PTPRD: variants seen among roughly 807,000 people sequenced by gnomAD.
The protein encoded by PTPRD is protein tyrosine phosphatase receptor type D.
PTPRD carries 34 observed loss-of-function variants against 214.5 expected under a neutral mutation model. The observed-to-expected ratio is 0.16, with a 90% CI of 0.12 to 0.21. The LOEUF (loss-of-function observed/expected upper bound fraction) is 0.21. Among genes scored for constraint, PTPRD ranks in the 10% least tolerant of loss-of-function variants. The pLI is 1.00. For synonymous variants in PTPRD, 1,128 were observed against 845.7 expected (o/e 1.33, Z -5.79); for missense variants, 2,545 against 2,398.7 (o/e 1.06, Z -1.27).
chr9:9,151,844 G>C (rs1349446897), intron 10 of PTPRD, among the ~76,000 whole-genome samples: 1 of 152,090 alleles, frequency 6.6e-6, no homozygotes, highest in Non-Finnish European at 1.5e-5. Flanking sequence ...ATCACGCCTG[G>C]GCCAGTTAGG....
intron 7 of PTPRD, among the ~76,000 whole-genome samples, chr9:9,730,584 A>T (rs1358085347): frequency 6.6e-6 from 1 of 152,118 alleles, no homozygotes; most frequent in Admixed American, 6.6e-5. Flanking sequence ...TCTATGTATA[A>T]ACTTTCCTAA....
chr9:9,120,633 T>C (rs996891295), intron 10 of PTPRD, among the ~76,000 whole-genome samples: 1 of 152,212 alleles, frequency 6.6e-6, no homozygotes, highest in Non-Finnish European at 1.5e-5. Context: ...AAGCAGATCA[T>C]CTGGAGAGGA....
chr9:10,434,220 G>A (rs587729), intron 2 of PTPRD, among the ~76,000 whole-genome samples: 16,554 of 151,616 alleles, frequency 0.11, 1,431 homozygotes, highest in African/African-American at 0.22. Flanking sequence ...AACTCCATAT[G>A]CATCACTCAG....
At chr9:9,390,560 T>C (rs2140888312) in intron 9 of PTPRD, among the ~76,000 whole-genome samples, 1 of 152,192 alleles carries the variant, frequency 6.6e-6, no homozygotes, top group East Asian at 1.9e-4. Context: ...ATTTTAAAAA[T>C]TTAAAAATGT....
chr9:8,318,597 G>A (rs556197910), intron 45 of PTPRD, among the ~76,000 whole-genome samples: 1 of 152,058 alleles, frequency 6.6e-6, no homozygotes, highest in East Asian at 1.9e-4. Context: ...ATTTACACAG[G>A]GCACTGGACT....
At chr9:10,173,963 T>C (rs2099229078) in intron 3 of PTPRD, among the ~76,000 whole-genome samples, 1 of 152,164 alleles carries the variant, frequency 6.6e-6, no homozygotes. Context: ...AATTCTTTCC[T>C]ACCATGTGCA....
intron 5 of PTPRD, among the ~76,000 whole-genome samples, chr9:9,797,675 G>A (rs1389193129): frequency 6.6e-6 from 1 of 151,838 alleles, no homozygotes; most frequent in East Asian, 1.9e-4. Flanking sequence ...GTGAAACCCT[G>A]TCTCTACTAA....
intron 11 of PTPRD, among the ~76,000 whole-genome samples, chr9:8,880,465 C>A (rs932465258): frequency 3.3e-5 from 5 of 152,164 alleles, no homozygotes; most frequent in African/African-American, 1.2e-4. Context: ...CTCCTCCTTA[C>A]TGATTTTAAC....
chr9:8,398,287 C>T (rs1564534236), intron 36 of PTPRD, among the ~76,000 whole-genome samples: 1 of 152,022 alleles, frequency 6.6e-6, no homozygotes, highest in Non-Finnish European at 1.5e-5. Context: ...TATTAATAAT[C>T]CCATTATACA....
intron 7 of PTPRD, among the ~76,000 whole-genome samples, chr9:9,716,733 G>C (rs1015556200): frequency 1.3e-5 from 2 of 152,078 alleles, no homozygotes; most frequent in African/African-American, 4.8e-5. Flanking sequence ...TGAGTTCCTT[G>C]TAGATTCTGG....
At chr9:9,432,198 G>C (rs60751932) in intron 8 of PTPRD, among the ~76,000 whole-genome samples, 29,009 of 151,614 alleles carry the variant, frequency 0.19, 3,297 homozygotes, top group East Asian at 0.45. Context: ...ATCAAAAGTA[G>C]AAGGTAAATG....
chr9:10,333,134 T>A (rs878894472), intron 3 of PTPRD, among the ~76,000 whole-genome samples: 1 of 151,798 alleles, frequency 6.6e-6, no homozygotes, highest in African/African-American at 2.4e-5. Flanking sequence ...GGATATTCAG[T>A]GAGTGAACAG....
At chr9:9,882,502 G>A (rs116746060) in intron 5 of PTPRD, among the ~76,000 whole-genome samples, 2 of 151,970 alleles carry the variant, frequency 1.3e-5, no homozygotes, top group African/African-American at 4.8e-5. Context: ...TTATAAAAGG[G>A]CTCTACTTTA....
At chr9:10,197,177 C>G (rs1451511134) in intron 3 of PTPRD, among the ~76,000 whole-genome samples, 1 of 152,124 alleles carries the variant, frequency 6.6e-6, no homozygotes, top group African/African-American at 2.4e-5. Context: ...CTCTGCACCC[C>G]CACCCCACCA....
intron 3 of PTPRD, among the ~76,000 whole-genome samples, chr9:10,143,962 A>G (rs574989047): frequency 1.1e-4 from 17 of 152,210 alleles, no homozygotes; most frequent in African/African-American, 4.1e-4. Context: ...AATGCTCACT[A>G]TCTGGGAGAT....
chr9:9,237,822 C>A (rs1251880994), intron 9 of PTPRD, among the ~76,000 whole-genome samples: 2 of 152,108 alleles, frequency 1.3e-5, no homozygotes, highest in Non-Finnish European at 2.9e-5. Flanking sequence ...CTGTCAGCTT[C>A]TTTTCTTGTT....
chr9:10,135,273 G>A (rs769280635), intron 3 of PTPRD, among the ~76,000 whole-genome samples: 9 of 152,100 alleles, frequency 5.9e-5, no homozygotes, highest in Non-Finnish European at 8.8e-5. Context: ...TGAGAGAGTA[G>A]TAGAGAGATT....
chr9:10,168,454 G>C (rs1448168664), intron 3 of PTPRD, among the ~76,000 whole-genome samples: 1 of 152,162 alleles, frequency 6.6e-6, no homozygotes, highest in East Asian at 1.9e-4. Context: ...AATCAGCCAT[G>C]TCCTTTGTGA....
intron 5 of PTPRD, among the ~76,000 whole-genome samples, chr9:9,889,851 C>A (rs2072597810): frequency 1.3e-5 from 2 of 151,478 alleles, no homozygotes; most frequent in South Asian, 4.2e-4. Flanking sequence ...TCTGCAGGGG[C>A]AGGTTTCTGA....
Sources: gnomAD v4.1 joint callset for allele counts (sites outside exome capture counted in the v4.1 genomes callset) on GRCh38, gnomAD v4.1.1 for gene constraint, MANE v1.5 for transcripts, NCBI Gene and HGNC (gene_info 2026-07-23, HGNC 2026-07-21) for gene names.